KLHL1: variants seen among roughly 807,000 people sequenced by gnomAD.
The protein encoded by KLHL1 is kelch like family member 1.
KLHL1 carries 47 observed loss-of-function variants against 77.7 expected under a neutral mutation model. The observed-to-expected ratio is 0.60, with a 90% CI of 0.48 to 0.77. KLHL1 has a LOEUF of 0.77. KLHL1 is among the 30% of genes least tolerant of loss of function. The pLI is 0.00. For synonymous variants in KLHL1, 360 were observed against 325.2 expected (o/e 1.11, Z -1.15); for missense variants, 925 against 910.8 (o/e 1.02, Z -0.20).
intron 9 of KLHL1, among the ~76,000 whole-genome samples, chr13:69,717,787 C>T (rs1872836348): frequency 6.6e-6 from 1 of 152,034 alleles, no homozygotes. Flanking sequence ...AATGATTGCA[C>T]ATTTGTGAGT....
At chr13:70,102,469 A>T (rs527591967) in intron 1 of KLHL1, among the ~76,000 whole-genome samples, 1 of 152,286 alleles carries the variant, frequency 6.6e-6, no homozygotes, top group Non-Finnish European at 1.5e-5. Flanking sequence ...CTGTCAATTT[A>T]AGAAGTCTAT....
intron 5 of KLHL1, among the ~76,000 whole-genome samples, chr13:69,870,922 G>C (rs192461582): frequency 3.3e-5 from 5 of 152,178 alleles, no homozygotes; most frequent in Admixed American, 1.3e-4. Context: ...GAAACTGACT[G>C]CTTGCAACTC....
chr13:69,903,723 C>A (rs1881951747), intron 4 of KLHL1, among the ~76,000 whole-genome samples: 1 of 126,712 alleles, frequency 7.9e-6, no homozygotes, highest in Admixed American at 1.0e-4. Flanking sequence ...CTCACTGCAA[C>A]CTCCGCCTCC....
intron 7 of KLHL1, among the ~76,000 whole-genome samples, chr13:69,782,309 T>A (rs1307360846): frequency 6.6e-6 from 1 of 152,174 alleles, no homozygotes; most frequent in Non-Finnish European, 1.5e-5. Context: ...TGCCAGACAG[T>A]GGGCGCAGGT....
intron 9 of KLHL1, among the ~76,000 whole-genome samples, chr13:69,716,646 A>G (rs1373478274): frequency 6.6e-6 from 1 of 152,068 alleles, no homozygotes; most frequent in Non-Finnish European, 1.5e-5. Context: ...GTGAGGGCAA[A>G]GGTGGTTCTG....
intron 10 of KLHL1, among the ~76,000 whole-genome samples, 187 bp from the exon 11 acceptor site, chr13:69,701,948 T>C (rs1593756113): frequency 6.6e-6 from 1 of 151,812 alleles, no homozygotes; most frequent in African/African-American, 2.4e-5. Context: ...ATTTGTATAT[T>C]GAAAATTTTT....
rs188176306 is a variant in KLHL1 at position 70,017,126 on chromosome 13, C to G, written c.498-41324G>C. Among the ~76,000 whole-genome samples the G allele has an allele frequency of 2.0e-5, 3 of 152,320 alleles. No individual in the cohort carries two copies. In the East Asian group the frequency reaches 5.8e-4, roughly 30 times the overall value. On this transcript the variant is annotated intron_variant, in intron 1 of 10. Coordinates refer to ENST00000377844, the MANE Select transcript of KLHL1 (RefSeq NM_020866.3). Reference sequence around the variant, plus strand: ...CCTCCAGTTTTCTGCATTCCTCATTCCTCCTGGACATAGGACAAGAACTCA... The same window carrying G: ...CCTCCAGTTTTCTGCATTCCTCATTGCTCCTGGACATAGGACAAGAACTCA...
intron 4 of KLHL1, among the ~76,000 whole-genome samples, chr13:69,895,400 C>T (rs939891806): frequency 1.3e-5 from 2 of 152,154 alleles, no homozygotes; most frequent in Non-Finnish European, 2.9e-5. Flanking sequence ...TGTCATGGTG[C>T]GTCTCTCACA....
chr13:69,992,886 C>T (rs1885060160), intron 1 of KLHL1, among the ~76,000 whole-genome samples: 1 of 151,480 alleles, frequency 6.6e-6, no homozygotes, highest in Non-Finnish European at 1.5e-5. Context: ...TAATGTTTTT[C>T]CTTTTTTACT....
At chr13:69,759,580 C>A (rs576466392) in intron 7 of KLHL1, among the ~76,000 whole-genome samples, 112 of 152,128 alleles carry the variant, frequency 7.4e-4, no homozygotes, top group Middle Eastern at 3.4e-3. Flanking sequence ...CAAAGTAGAT[C>A]TTATAAGTTT....
chr13:69,946,752 A>G (rs76079276), intron 3 of KLHL1, among the ~76,000 whole-genome samples: 3,882 of 149,074 alleles, frequency 0.026, 24 homozygotes, highest in African/African-American at 0.095. Context: ...GCCCCAAGCC[A>G]TCCTCTTGCT....
chr13:69,892,616 C>A (rs1054813041), intron 4 of KLHL1, among the ~76,000 whole-genome samples: 1 of 151,304 alleles, frequency 6.6e-6, no homozygotes, highest in African/African-American at 2.4e-5. Context: ...GAAAAAAAAA[C>A]AACAATTTTC....
intron 3 of KLHL1, among the ~76,000 whole-genome samples, chr13:69,956,919 C>T (rs780764240): frequency 1.3e-5 from 2 of 151,610 alleles, no homozygotes; most frequent in Non-Finnish European, 3.0e-5. Context: ...GTATAATGTT[C>T]AGGATGGAAT....
intron 4 of KLHL1, among the ~76,000 whole-genome samples, chr13:69,931,037 A>G (rs1470264375): frequency 6.6e-6 from 1 of 151,692 alleles, no homozygotes; most frequent in African/African-American, 2.4e-5. Context: ...TGTTACTATC[A>G]TATATTCTTA....
At chr13:70,046,196 T>C (rs573855607) in intron 1 of KLHL1, among the ~76,000 whole-genome samples, 1 of 152,162 alleles carries the variant, frequency 6.6e-6, no homozygotes. Flanking sequence ...TTTCTTGTGT[T>C]TGTCACTGGA....
At chr13:70,105,197 A>G (rs1293123762) in intron 1 of KLHL1, among the ~76,000 whole-genome samples, 1 of 152,166 alleles carries the variant, frequency 6.6e-6, no homozygotes, top group Admixed American at 6.5e-5. Context: ...AGGAATTCTT[A>G]TCACTCACAA....
At chr13:69,743,209 G>A (rs1018327982) in intron 7 of KLHL1, among the ~76,000 whole-genome samples, 2 of 152,026 alleles carry the variant, frequency 1.3e-5, no homozygotes, top group Non-Finnish European at 2.9e-5. Context: ...TTTGTTATAA[G>A]AGCAATGGAA....
At chr13:69,833,048 A>G (rs1402609514) in intron 6 of KLHL1, among the ~76,000 whole-genome samples, 1 of 152,164 alleles carries the variant, frequency 6.6e-6, no homozygotes, top group Non-Finnish European at 1.5e-5. Context: ...TTAGGCAAAG[A>G]CTTTATGACC....
At position 70,086,591 on chromosome 13, in the gene KLHL1, AAAGAAAGAAAGAAAGAAAGAAAG is replaced by A. The variant is rs1348806623; in HGVS notation, c.497+20589_497+20611del. Among the ~76,000 whole-genome samples the A allele has an allele frequency of 1.9e-4, 6 of 32,414 alleles. No homozygotes were observed. In the South Asian group the frequency reaches 5.4e-3, roughly 29 times the overall value. The allele number at this position is 32,414 out of a possible 152,430, so 21.3% of individuals were successfully genotyped here. On this transcript the variant is annotated intron_variant, in intron 1 of 10. Transcript: ENST00000377844. ...CTGTCTCAAAAAAAAAAAAAAAAAA[AAAGAAAGAAAGAAAGAAAGAAAG>A]AAAGAAAGAAAGAAAGAAAAAAGAA... is the stretch of plus-strand genomic sequence containing the variant.
Sources: allele counts gnomAD v4.1 joint callset (sites outside exome capture counted in the v4.1 genomes callset), GRCh38; gene constraint gnomAD v4.1.1; transcripts MANE v1.5; gene names NCBI Gene and HGNC (gene_info 2026-07-23, HGNC 2026-07-21).